The following SRRM4 variants were observed in gnomAD, a reference collection of about 807,000 sequenced individuals.
SRRM4 encodes the protein serine/arginine repetitive matrix protein 4.
In SRRM4, 33 loss-of-function variants were observed where a neutral mutation model predicts 68.9. The observed-to-expected ratio is 0.48, with a 90% CI of 0.36 to 0.64. The LOEUF is 0.64. Ranked by LOEUF, SRRM4 falls within the 30% of genes least tolerant of loss-of-function variation. The pLI is 0.00. For synonymous variants in SRRM4, 318 were observed against 318.8 expected, an observed-to-expected ratio of 1.00 and a Z score of 0.03; for missense variants, 817 against 827.1, an observed-to-expected ratio of 0.99 and a Z score of 0.15.
At chr12:119,088,791 G>A (rs1402476000) in intron 1 of SRRM4, among the ~76,000 whole-genome samples, 1 of 152,178 alleles carries the variant, frequency 6.6e-6, no homozygotes, top group Middle Eastern at 3.2e-3. Flanking sequence ...TCTGGGCAGA[G>A]GGATCAGCTT....
intron 1 of SRRM4, among the ~76,000 whole-genome samples, chr12:119,033,525 G>A (rs903512965): frequency 2.6e-5 from 4 of 152,098 alleles, no homozygotes; most frequent in East Asian, 1.9e-4. Flanking sequence ...TTAGCTGGGC[G>A]TGGTGGCACG....
intron 1 of SRRM4, among the ~76,000 whole-genome samples, chr12:119,032,920 G>T (rs1252134921): frequency 2.0e-5 from 3 of 152,090 alleles, no homozygotes; most frequent in Admixed American, 1.3e-4. Context: ...TCAGCTAAAA[G>T]TTATAATAGT....
intron 1 of SRRM4, among the ~76,000 whole-genome samples, chr12:119,010,540 T>A (rs1953442801): frequency 6.6e-6 from 1 of 152,226 alleles, no homozygotes; most frequent in South Asian, 2.1e-4. Context: ...AAAAACAGTG[T>A]GGTAATATCA....
chr12:119,039,754 A>G (rs1202155938), intron 1 of SRRM4, among the ~76,000 whole-genome samples: 2 of 152,326 alleles, frequency 1.3e-5, no homozygotes, highest in East Asian at 3.9e-4. Context: ...TGCAGTAGAA[A>G]ATGTGACCTG....
At chr12:119,087,684 A>C (rs771047431) in intron 1 of SRRM4, among the ~76,000 whole-genome samples, 4 of 152,150 alleles carry the variant, frequency 2.6e-5, no homozygotes, top group Non-Finnish European at 4.4e-5. Context: ...GAGAGGAAAT[A>C]GGGAGAAGAT....
chr12:119,107,383 C>G (rs192843064), intron 2 of SRRM4, among the ~76,000 whole-genome samples: 1 of 152,260 alleles, frequency 6.6e-6, no homozygotes, highest in African/African-American at 2.4e-5. Context: ...GGAATAGTTA[C>G]AGAAGAAGTG....
chr12:118,998,267 G>GAAAAA (rs1565886231), intron 1 of SRRM4, among the ~76,000 whole-genome samples: 2 of 31,246 alleles, frequency 6.4e-5, no homozygotes, highest in African/African-American at 1.1e-4. Context: ...GAGCAATATG[G>GAAAAA]CAAAAAAAAA....
At position 119,157,249 on chromosome 12, in the gene SRRM4, T is replaced by C. The variant is rs1160031273; in HGVS notation, c.*451T>C. ...ATGGCTGCACGTGGATGGACCCCCATGTCTGAGAGGGGTGAAAGAGGAGAC... is the reference window on the plus strand; with the variant it reads ...ATGGCTGCACGTGGATGGACCCCCACGTCTGAGAGGGGTGAAAGAGGAGAC... On this transcript the variant is annotated 3_prime_UTR_variant, in exon 13 of 13. Transcript: ENST00000267260. The surrounding 1 kb of genome is among the most constrained non-coding windows in gnomAD (Gnocchi z 4.1). The C allele has an allele frequency of 6.0e-6, 1 of 165,568 alleles. No homozygotes were observed. Among genetic ancestry groups the C allele is most frequent in the Non-Finnish European group, 1.3e-5 (1 of 76,612 alleles). 10.3% of individuals were successfully genotyped at this position (165,568 alleles called of 1,614,324 possible). A position where few individuals can be genotyped will look rare whatever the true frequency, so the allele number is the denominator to read the frequency against.
intron 1 of SRRM4, among the ~76,000 whole-genome samples, chr12:119,074,950 G>T (rs1292461129): frequency 6.6e-6 from 1 of 152,210 alleles, no homozygotes; most frequent in African/African-American, 2.4e-5. Context: ...ATTCCTGTGA[G>T]ATGGAAGAGA....
Position 119,150,894 on chromosome 12 carries a change from G to C in SRRM4, c.1077-123G>C. On this transcript the variant is annotated intron_variant, in intron 9 of 12. Coordinates refer to ENST00000267260, the MANE Select transcript of SRRM4 (RefSeq NM_194286.4). ...AAGTCTTTCCAGAGAGAATAGGATG[G>C]GAAAAGGGGCAAAGAGGGTTCTATG... is the stretch of plus-strand genomic sequence containing the variant. The C allele has an allele frequency of 7.2e-6, 6 of 836,728 alleles. 1 individual carries two copies. In the South Asian group the frequency reaches 9.6e-5, roughly 13 times the overall value. The allele number at this position is 836,728 out of a possible 1,614,324, so 51.8% of individuals were successfully genotyped here.
At chr12:119,125,339 C>T (rs1331002875) in intron 6 of SRRM4, 42 bp from the exon 7 acceptor site, 1 of 1,553,680 alleles carries the variant, frequency 6.4e-7, no homozygotes, top group South Asian at 1.1e-5. Flanking sequence ...TTTTTACTCT[C>T]TCTCTCCTCT....
intron 7 of SRRM4, among the ~76,000 whole-genome samples, chr12:119,129,842 T>C (rs1046686054): frequency 6.6e-6 from 1 of 152,104 alleles, no homozygotes; most frequent in Admixed American, 6.6e-5. Flanking sequence ...AATGGTTAGA[T>C]GGATGAATGG....
intron 1 of SRRM4, among the ~76,000 whole-genome samples, chr12:118,982,667 T>TTA (rs1286238170): frequency 1.2e-5 from 1 of 81,142 alleles, no homozygotes; most frequent in East Asian, 2.4e-4. Flanking sequence ...GAGTTTTATT[T>TTA]TGTTTTTTTT....
intron 1 of SRRM4, among the ~76,000 whole-genome samples, chr12:119,075,424 A>G (rs1315396931): frequency 1.5e-5 from 2 of 133,288 alleles, no homozygotes; most frequent in Non-Finnish European, 3.3e-5. Flanking sequence ...TGATGATGAC[A>G]GTAATGATGA....
chr12:118,982,683 T>A (rs539548707), intron 1 of SRRM4, among the ~76,000 whole-genome samples: 2 of 135,220 alleles, frequency 1.5e-5, no homozygotes, highest in African/African-American at 5.7e-5. Flanking sequence ...TTTTTTGTTT[T>A]TTTTTTTTTT....
intron 1 of SRRM4, among the ~76,000 whole-genome samples, chr12:119,072,241 C>T (rs929233857): frequency 3.9e-5 from 6 of 152,162 alleles, no homozygotes; most frequent in African/African-American, 7.2e-5. Context: ...GGATTCCTTT[C>T]CCCCTACTTA....
chr12:119,076,533 G>T (rs993182910), intron 1 of SRRM4, among the ~76,000 whole-genome samples: 1 of 152,148 alleles, frequency 6.6e-6, no homozygotes, highest in African/African-American at 2.4e-5. Context: ...CCTCATCTGC[G>T]AATTAAGTCT....
At position 119,160,583 on chromosome 12, in the gene SRRM4, C is replaced by G. The variant is rs898543746; in HGVS notation, c.*3785C>G. ...GCTTGAGGTCAAGCGCCATGCATCCCAAGCCTTTGACCTTCCCGCTATGGA... is the reference window on the plus strand; with the variant it reads ...GCTTGAGGTCAAGCGCCATGCATCCGAAGCCTTTGACCTTCCCGCTATGGA... On this transcript the variant is annotated 3_prime_UTR_variant, in exon 13 of 13. Coordinates refer to ENST00000267260, the MANE Select transcript of SRRM4 (RefSeq NM_194286.4). The G allele has an allele frequency of 1.3e-5, 2 of 152,196 alleles. No homozygotes were observed. The highest frequency in any genetic ancestry group is 4.8e-5 in the African/African-American group (2 of 41,442). 9.4% of individuals were successfully genotyped at this position (152,196 alleles called of 1,614,324 possible).
chr12:119,054,144 T>A, intron 1 of SRRM4, among the ~76,000 whole-genome samples: 1 of 152,236 alleles, frequency 6.6e-6, no homozygotes, highest in East Asian at 1.9e-4. Context: ...GCAGTTTGTC[T>A]TTCTGTGCCT....
Sources: gnomAD v4.1 joint callset for allele counts (sites outside exome capture counted in the v4.1 genomes callset) on GRCh38, gnomAD v4.1.1 for gene constraint, Gnocchi (gnomAD v3.1) non-coding constraint, MANE v1.5 for transcripts, NCBI Gene and HGNC (gene_info 2026-07-23, HGNC 2026-07-21) for gene names.